The following ROBO2 variants were observed in gnomAD, a reference collection of about 807,000 sequenced individuals.
The protein encoded by ROBO2 is roundabout guidance receptor 2.
Under a neutral mutation model 160.8 loss-of-function variants are expected in ROBO2, and 53 were observed. The ratio of observed to expected loss-of-function variants is 0.33; its 90% CI spans 0.26 to 0.41. The LOEUF is 0.41. Among genes scored for constraint, ROBO2 ranks in the 10% least tolerant of loss-of-function variants. The pLI is 1.00. For missense variants in ROBO2, 1,577 were observed against 1,722.4 expected (o/e 0.92, Z 1.49); for synonymous variants, 664 against 611.7 (o/e 1.09, Z -1.26).
intron 2 of ROBO2, among the ~76,000 whole-genome samples, chr3:76,669,358 T>G (rs778561960): frequency 1.3e-5 from 2 of 152,168 alleles, no homozygotes; most frequent in Non-Finnish European, 2.9e-5. Context: ...CTTAACATAT[T>G]TCTTTCTCTT....
chr3:77,498,443 A>G (rs1007246318), intron 5 of ROBO2, among the ~76,000 whole-genome samples: 6 of 152,172 alleles, frequency 3.9e-5, no homozygotes, highest in Non-Finnish European at 8.8e-5. Flanking sequence ...AGATATATGG[A>G]GCAAAATTCT....
intron 2 of ROBO2, among the ~76,000 whole-genome samples, chr3:77,277,197 TTTCTTTCTTTCTTTC>T (rs1340356383): frequency 6.0e-5 from 8 of 134,344 alleles, no homozygotes; most frequent in African/African-American, 2.2e-4. Flanking sequence ...TCTTTCTTTC[TTTCTTTCTTTCTTTC>T]TTCTTTCTTT....
chr3:76,603,943 A>T (rs2087442229), intron 2 of ROBO2, among the ~76,000 whole-genome samples: 1 of 152,232 alleles, frequency 6.6e-6, no homozygotes, highest in African/African-American at 2.4e-5. Flanking sequence ...TAGTGCAGGT[A>T]ATAATTAACA....
chr3:76,617,618 G>A (rs1311436505), intron 2 of ROBO2, among the ~76,000 whole-genome samples: 1 of 152,144 alleles, frequency 6.6e-6, no homozygotes, highest in Admixed American at 6.5e-5. Flanking sequence ...TCATGGACTA[G>A]TCGAAAAAGC....
At chr3:76,532,297 C>T (rs577721096) in intron 2 of ROBO2, among the ~76,000 whole-genome samples, 1 of 152,280 alleles carries the variant, frequency 6.6e-6, no homozygotes, top group Admixed American at 6.5e-5. Context: ...TCTGACCTTT[C>T]CAGTTGAGTT....
chr3:76,902,420 C>T lies in ROBO2; in HGVS notation c.110-195594C>T, dbSNP rs144319380. Among the ~76,000 whole-genome samples the T allele has an allele frequency of 8.6e-3, 1,311 of 152,022 alleles. 9 individuals carry two copies. Among genetic ancestry groups the T allele is most frequent in the Non-Finnish European group, 0.012 (799 of 67,908 alleles). ...TTTCTACTTCTTATTAACTTTCAAG[C>T]TATATTAGGCATTTAATGCAAATTT... On this transcript the variant is annotated intron_variant, in intron 2 of 26. Coordinates refer to the ROBO2 transcript ENST00000487694.
chr3:76,409,260 G>A (rs1458266566), intron 2 of ROBO2, among the ~76,000 whole-genome samples: 1 of 151,972 alleles, frequency 6.6e-6, no homozygotes, highest in Non-Finnish European at 1.5e-5. Flanking sequence ...ACAAGATTAT[G>A]TCGGGCTGGC....
chr3:76,749,839 T>C (rs2093951954), intron 2 of ROBO2, among the ~76,000 whole-genome samples: 1 of 151,982 alleles, frequency 6.6e-6, no homozygotes, highest in Non-Finnish European at 1.5e-5. Context: ...CAGGACCAGA[T>C]GGATTCACAG....
intron 2 of ROBO2, among the ~76,000 whole-genome samples, chr3:76,339,514 G>C (rs7643117): frequency 0.014 from 2,153 of 152,054 alleles, 46 homozygotes; most frequent in African/African-American, 0.049. Context: ...ATTGACCTGG[G>C]AGTTTATCTT....
intron 1 of ROBO2, among the ~76,000 whole-genome samples, chr3:77,057,878 T>A (rs1488986749): frequency 6.6e-6 from 1 of 151,982 alleles, no homozygotes; most frequent in African/African-American, 2.4e-5. Flanking sequence ...CAATATATTT[T>A]AAAAAATATG....
chr3:76,755,452 G>A (rs1369194237), intron 2 of ROBO2, among the ~76,000 whole-genome samples: 2 of 151,792 alleles, frequency 1.3e-5, no homozygotes, highest in South Asian at 2.1e-4. Context: ...AAAGGTCATA[G>A]ATGAAGATTT....
At chr3:77,346,789 A>G (rs2067695137) in intron 2 of ROBO2, among the ~76,000 whole-genome samples, 1 of 151,920 alleles carries the variant, frequency 6.6e-6, no homozygotes, top group African/African-American at 2.4e-5. Context: ...CACTTCCTCC[A>G]TTTTCAAAGC....
chr3:77,154,749 G>A (rs1016944052), intron 2 of ROBO2, among the ~76,000 whole-genome samples: 1 of 152,006 alleles, frequency 6.6e-6, no homozygotes, highest in Non-Finnish European at 1.5e-5. Context: ...CTTATCTTAA[G>A]TGGATCATGG....
chr3:76,270,874 C>G (rs1433985821), intron 2 of ROBO2, among the ~76,000 whole-genome samples: 1 of 151,998 alleles, frequency 6.6e-6, no homozygotes, highest in Non-Finnish European at 1.5e-5. Flanking sequence ...CTGGACAAGC[C>G]GATTTCTTTA....
chr3:76,212,388 G>A (rs1703199469), intron 2 of ROBO2, among the ~76,000 whole-genome samples: 1 of 151,844 alleles, frequency 6.6e-6, no homozygotes, highest in South Asian at 2.1e-4. Context: ...AAGAGGGACA[G>A]GGCCCGAGAT....
intron 2 of ROBO2, among the ~76,000 whole-genome samples, chr3:77,417,231 C>CTT (rs10552785): frequency 7.0e-6 from 1 of 141,898 alleles, no homozygotes; most frequent in Admixed American, 7.1e-5. Context: ...AGGGTAACCA[C>CTT]TTTTTTTTTT....
intron 2 of ROBO2, among the ~76,000 whole-genome samples, chr3:76,235,591 T>TA (rs1450578170): frequency 8.5e-5 from 13 of 152,186 alleles, no homozygotes; most frequent in East Asian, 7.7e-4. Flanking sequence ...AAGAAACCAT[T>TA]AAAAAAAGTC....
chr3:76,868,020 T>C (rs1378336955), intron 2 of ROBO2, among the ~76,000 whole-genome samples: 1 of 152,198 alleles, frequency 6.6e-6, no homozygotes, highest in Non-Finnish European at 1.5e-5. Flanking sequence ...AATAATTTTC[T>C]CCATCATAAA....
chr3:77,593,585 A>T (rs1583164839), intron 17 of ROBO2, among the ~76,000 whole-genome samples: 1 of 152,188 alleles, frequency 6.6e-6, no homozygotes, highest in African/African-American at 2.4e-5. Context: ...AGAAGTTCCT[A>T]AAAGCCCTGA....
Sources: allele counts gnomAD v4.1 joint callset (sites outside exome capture counted in the v4.1 genomes callset), GRCh38; gene constraint gnomAD v4.1.1; transcripts MANE v1.5; gene names NCBI Gene and HGNC (gene_info 2026-07-23, HGNC 2026-07-21).